Variants in ABL2 observed in about 807,000 individuals in gnomAD.
ABL2 encodes the protein tyrosine-protein kinase ABL2.
In ABL2, 49 loss-of-function variants were observed where a neutral mutation model predicts 107.7. That is an observed-to-expected ratio of 0.45 (90% CI 0.36 to 0.58). The LOEUF (loss-of-function observed/expected upper bound fraction) is 0.58, where lower values mean the gene tolerates loss of function less well. ABL2 is among the 20% of genes least tolerant of loss of function. The pLI, the probability that ABL2 is intolerant of heterozygous loss-of-function variation, is 0.00. For missense variants in ABL2, 1,245 were observed against 1,457.0 expected, an observed-to-expected ratio of 0.85 and a Z score of 2.37; for synonymous variants, 549 against 548.6, an observed-to-expected ratio of 1.00 and a Z score of -0.01.
chr1:179,117,543 T>C, intron 7 of ABL2, 27 bp from the exon 8 acceptor site: 1 of 1,611,438 alleles, frequency 6.2e-7, no homozygotes, highest in Non-Finnish European at 8.5e-7. Context: ...CCTAATGTGA[T>C]TCCATTCAGA....
chr1:179,208,274 C>T (rs540903075), intron 1 of ABL2, among the ~76,000 whole-genome samples: 13 of 152,082 alleles, frequency 8.5e-5, no homozygotes, highest in African/African-American at 3.1e-4. Flanking sequence ...GCACGGTGCC[C>T]AACAGGTTTT....
At chr1:179,211,165 G>T (rs1418341826) in intron 1 of ABL2, among the ~76,000 whole-genome samples, 2 of 152,036 alleles carry the variant, frequency 1.3e-5, no homozygotes, top group African/African-American at 4.8e-5. Flanking sequence ...AAATAAAACA[G>T]AAAACAAGAC....
At chr1:179,157,733 C>G (rs1658795156) in intron 1 of ABL2, among the ~76,000 whole-genome samples, 1 of 146,918 alleles carries the variant, frequency 6.8e-6, no homozygotes, top group Non-Finnish European at 1.5e-5. Context: ...GAGACAGAGT[C>G]TCGCTCTGTT....
intron 4 of ABL2, among the ~76,000 whole-genome samples, chr1:179,125,943 G>T (rs954820109): frequency 6.6e-6 from 1 of 152,142 alleles, no homozygotes; most frequent in African/African-American, 2.4e-5. Flanking sequence ...TGAATGATCC[G>T]TTTCAGTTAA....
intron 1 of ABL2, among the ~76,000 whole-genome samples, chr1:179,135,285 G>A (rs1485266065): frequency 1.4e-5 from 2 of 146,828 alleles, no homozygotes; most frequent in Admixed American, 6.6e-5. Flanking sequence ...TAGGAAGTGA[G>A]GAGCGCCTCT....
chr1:179,224,134 CAAA>C (rs1181284107), intron 1 of ABL2, among the ~76,000 whole-genome samples: 1 of 34,516 alleles, frequency 2.9e-5, no homozygotes, highest in East Asian at 1.4e-3. Context: ...CTACTCACTA[CAAA>C]AAAAAAAAAA....
At position 179,103,952 on chromosome 1, in the gene ABL2, A is replaced by C. The variant is rs945343302; in HGVS notation, c.*3766T>G. 1 of 233,296 alleles carries C rather than the reference A, an allele frequency of 4.3e-6. No individual in the cohort carries two copies. Among genetic ancestry groups the C allele is most frequent in the African/African-American group, 2.2e-5 (1 of 45,330 alleles). 14.5% of individuals were successfully genotyped at this position (233,296 alleles called of 1,614,324 possible). On this transcript the variant is annotated 3_prime_UTR_variant, in exon 12 of 12. Transcript: ENST00000502732. ...TTTTCAGATAGCACTGGGTGTTTCA[A>C]ACACCTGGCGAGATTACTGGAGAAT... is the stretch of plus-strand genomic sequence containing the variant.
intron 3 of ABL2, among the ~76,000 whole-genome samples, chr1:179,128,836 A>C (rs1655997001): frequency 6.6e-6 from 1 of 152,128 alleles, no homozygotes; most frequent in Non-Finnish European, 1.5e-5. Flanking sequence ...GGTGCATGCC[A>C]CTGCCCCTGG....
At position 179,099,664 on chromosome 1, in the gene ABL2, C is replaced by G. The variant is rs1652938344; in HGVS notation, c.*8054G>C. ...TCCAAACCTCACCCTCTGTGCACCA[C>G]ATACACACCTGCGGGGCGGGACCTT... is the stretch of plus-strand genomic sequence containing the variant. On this transcript the variant is annotated 3_prime_UTR_variant, in exon 12 of 12. Transcript: ENST00000502732. 4.3e-6 allele frequency: 1 copy of G among 231,408 alleles called. No homozygotes were observed. The highest frequency in any genetic ancestry group is 1.8e-4 in the South Asian group (1 of 5,516). 14.3% of individuals were successfully genotyped at this position (231,408 alleles called of 1,614,324 possible). A position where few individuals can be genotyped will look rare whatever the true frequency, so the allele number is the denominator to read the frequency against.
rs1324526360 is a variant in ABL2 at position 179,106,766 on chromosome 1, T to C, written c.*952A>G. On this transcript the variant is annotated 3_prime_UTR_variant, in exon 12 of 12. Transcript: ENST00000502732. ...CACAGCTGCTCAAGTCCTTGGCCAG[T>C]ATGTCAGTATGCAGGGGAACTGTAT... is the stretch of plus-strand genomic sequence containing the variant. 2 of 231,838 alleles carry C rather than the reference T, an allele frequency of 8.6e-6. No individual in the cohort carries two copies. The highest frequency in any genetic ancestry group is 4.4e-5 in the African/African-American group (2 of 45,284). The allele number at this position is 231,838 out of a possible 1,614,324, so 14.4% of individuals were successfully genotyped here.
At chr1:179,136,384 G>T (rs1191916264) in intron 1 of ABL2, among the ~76,000 whole-genome samples, 2 of 152,086 alleles carry the variant, frequency 1.3e-5, no homozygotes, top group African/African-American at 4.8e-5. Flanking sequence ...CTTCTGCCTT[G>T]GGATCCTGTT....
At position 179,117,182 on chromosome 1, in the gene ABL2, A is replaced by C. The variant is rs186481839; in HGVS notation, c.1408+150T>G. 62 of 786,368 alleles carry C rather than the reference A, an allele frequency of 7.9e-5. No individual in the cohort carries two copies. In the African/African-American group the frequency reaches 1.0e-3, roughly 13 times the overall value. 48.7% of individuals were successfully genotyped at this position (786,368 alleles called of 1,614,324 possible). A position where few individuals can be genotyped will look rare whatever the true frequency, so the allele number is the denominator to read the frequency against. ...TCTTAACACAGTCCTGGCAGATAGG[A>C]GGTATTTAACAAATGCTTGCTGAAT... On this transcript the variant is annotated intron_variant, in intron 8 of 11. Transcript: ENST00000502732.
chr1:179,222,832 C>T (rs924221737), intron 1 of ABL2, among the ~76,000 whole-genome samples: 5 of 151,702 alleles, frequency 3.3e-5, no homozygotes, highest in Admixed American at 6.6e-5. Context: ...AAAAACAGGC[C>T]GGGCACAGTG....
chr1:179,159,103 A>G (rs1471246616), intron 1 of ABL2, among the ~76,000 whole-genome samples: 1 of 152,226 alleles, frequency 6.6e-6, no homozygotes, highest in East Asian at 1.9e-4. Context: ...TCTACCACTT[A>G]CTACATCTGT....
chr1:179,145,002 T>C (rs1014446309), intron 1 of ABL2, among the ~76,000 whole-genome samples: 1 of 152,146 alleles, frequency 6.6e-6, no homozygotes, highest in Non-Finnish European at 1.5e-5. Context: ...ATAGCATAAT[T>C]TGGAATAAAG....
In ABL2 at chr1:179,109,050, G is replaced by A. The variant is rs1260671298; in HGVS notation, c.2217C>T (p.Gly739=). 1 of 1,371,486 alleles carries A rather than the reference G, an allele frequency of 7.3e-7. No homozygotes were observed. Among genetic ancestry groups the A allele is most frequent in the Non-Finnish European group, 1.0e-6 (1 of 983,934 alleles). The allele number at this position is 1,371,486 out of a possible 1,614,324, so 85.0% of individuals were successfully genotyped here. ...TGCCAGACCACCCACCCCCAGCAGT[G>A]CCACTGCCCCCACCCCCACCACCGT... The part of the protein sequence containing the change: ...NDDGGGGGGS[G]TAGGGWSGIT... The change falls in exon 12 of 12, where the codon GGC becomes GGT. Residue 739 remains glycine, a synonymous_variant. Transcript: ENST00000502732.
chr1:179,176,598 C>T (rs1660059680), intron 1 of ABL2, among the ~76,000 whole-genome samples: 1 of 151,808 alleles, frequency 6.6e-6, no homozygotes, highest in African/African-American at 2.4e-5. Context: ...ACTTTGGGAG[C>T]TGAAGGCAAA....
intron 1 of ABL2, among the ~76,000 whole-genome samples, chr1:179,222,640 C>T (rs566562358): frequency 6.6e-6 from 1 of 151,984 alleles, no homozygotes; most frequent in African/African-American, 2.4e-5. Flanking sequence ...CCACCCACCT[C>T]GGCCTCCCAA....
chr1:179,124,044 A>C (rs1214023241), intron 4 of ABL2, among the ~76,000 whole-genome samples: 1 of 152,062 alleles, frequency 6.6e-6, no homozygotes, highest in Non-Finnish European at 1.5e-5. Flanking sequence ...GATCGAGACC[A>C]TCCTGGCTAT....
Sources: allele counts gnomAD v4.1 joint callset (sites outside exome capture counted in the v4.1 genomes callset), GRCh38; gene constraint gnomAD v4.1.1; transcripts MANE v1.5; gene names NCBI Gene and HGNC (gene_info 2026-07-23, HGNC 2026-07-21).